Variants in STK32B observed in about 807,000 individuals in gnomAD.
The protein encoded by STK32B is serine/threonine kinase 32B.
In STK32B, 43 loss-of-function variants were observed where a neutral mutation model predicts 52.6. The observed-to-expected ratio is 0.82, with a 90% CI of 0.64 to 1.05. The LOEUF (loss-of-function observed/expected upper bound fraction) is 1.05, where lower values mean the gene tolerates loss of function less well. Ranked by LOEUF, STK32B falls within the 50% of genes least tolerant of loss-of-function variation. The pLI is 0.00. For missense variants in STK32B, 621 were observed against 534.6 expected (o/e 1.16, Z -1.59); for synonymous variants, 238 against 204.3 (o/e 1.17, Z -1.41).
chr4:5,022,274 C>T, the STK32B span, among the ~76,000 whole-genome samples: 8 of 152,276 alleles, frequency 5.3e-5, no homozygotes, highest in South Asian at 2.1e-4. Context: ...CCAGGTAGAG[C>T]GGATGACCAG....
intron 3 of STK32B, among the ~76,000 whole-genome samples, chr4:5,218,909 A>G (rs1286822047): frequency 2.0e-5 from 3 of 151,866 alleles, no homozygotes; most frequent in East Asian, 3.9e-4. Flanking sequence ...CCAGGCCCCT[A>G]CTGGGCCTCA....
At chr4:5,105,546 G>T (rs919704612) in intron 1 of STK32B, among the ~76,000 whole-genome samples, 4 of 151,696 alleles carry the variant, frequency 2.6e-5, no homozygotes, top group African/African-American at 7.3e-5. Context: ...TCTATATTGC[G>T]CATTTTTACT....
the STK32B span, among the ~76,000 whole-genome samples, chr4:5,033,271 C>T: frequency 6.6e-6 from 1 of 152,142 alleles, no homozygotes; most frequent in South Asian, 2.1e-4. Flanking sequence ...ACAGCTGCAG[C>T]ACGGTCACCA....
the STK32B span, among the ~76,000 whole-genome samples, chr4:5,034,826 G>C: frequency 6.6e-6 from 1 of 152,206 alleles, no homozygotes; most frequent in African/African-American, 2.4e-5. Context: ...GGTTCAAAAT[G>C]AATGTTCATG....
At chr4:5,317,241 ATATT>A (rs1228158807) in intron 3 of STK32B, among the ~76,000 whole-genome samples, 4 of 40,050 alleles carry the variant, frequency 1.0e-4, no homozygotes, top group African/African-American at 5.0e-4. Flanking sequence ...TAACATATAT[ATATT>A]ATATATAACA....
intron 6 of STK32B, among the ~76,000 whole-genome samples, chr4:5,424,442 C>T (rs114606333): frequency 0.022 from 3,289 of 152,300 alleles, 125 homozygotes; most frequent in African/African-American, 0.075. Flanking sequence ...CACCCATGGC[C>T]ACCCATGGAC....
intron 3 of STK32B, among the ~76,000 whole-genome samples, chr4:5,211,424 A>C (rs911664513): frequency 1.7e-4 from 26 of 152,170 alleles, no homozygotes; most frequent in African/African-American, 5.3e-4. Flanking sequence ...TAGCAGTATC[A>C]GGAGCCCCCA....
At chr4:5,036,915 C>T in the STK32B span, among the ~76,000 whole-genome samples, 12 of 152,026 alleles carry the variant, frequency 7.9e-5, no homozygotes, top group Non-Finnish European at 1.3e-4. Context: ...ATCTGCCCAC[C>T]TCGGCCTCCC....
chr4:5,281,283 A>T (rs1180683157), intron 3 of STK32B, among the ~76,000 whole-genome samples: 1 of 152,202 alleles, frequency 6.6e-6, no homozygotes, highest in Non-Finnish European at 1.5e-5. Flanking sequence ...GCCAAACCAT[A>T]TCAGTCACTA....
intron 1 of STK32B, among the ~76,000 whole-genome samples, chr4:5,087,645 G>A (rs912251895): frequency 6.6e-6 from 1 of 151,590 alleles, no homozygotes; most frequent in African/African-American, 2.4e-5. Context: ...AAGCAGAGTG[G>A]CTAGACTAAT....
At chr4:5,337,888 CTG>C (rs1732812856) in intron 4 of STK32B, among the ~76,000 whole-genome samples, 1 of 152,080 alleles carries the variant, frequency 6.6e-6, no homozygotes, top group African/African-American at 2.4e-5. Flanking sequence ...TATTGAGAAA[CTG>C]GGGAAATGGG....
the STK32B span, among the ~76,000 whole-genome samples, chr4:5,040,854 A>G: frequency 3.3e-5 from 5 of 152,286 alleles, no homozygotes; most frequent in East Asian, 1.9e-4. Flanking sequence ...GGTGTAGCCA[A>G]TAGCTCCTAG....
At chr4:5,130,741 G>C (rs758630424) in intron 1 of STK32B, among the ~76,000 whole-genome samples, 5 of 152,106 alleles carry the variant, frequency 3.3e-5, no homozygotes, top group Non-Finnish European at 7.4e-5. Context: ...ATTCCTGCCT[G>C]AGGAAATGTC....
intron 3 of STK32B, among the ~76,000 whole-genome samples, chr4:5,213,845 T>A (rs1310488234): frequency 1.3e-5 from 2 of 152,198 alleles, no homozygotes; most frequent in Non-Finnish European, 2.9e-5. Flanking sequence ...ATGGTGACTT[T>A]TGGTTAAAAA....
chr4:5,367,056 C>A (rs953188926), intron 4 of STK32B, among the ~76,000 whole-genome samples: 1 of 152,066 alleles, frequency 6.6e-6, no homozygotes, highest in Non-Finnish European at 1.5e-5. Flanking sequence ...TCCTCCACCT[C>A]CCCTTCTCTC....
intron 3 of STK32B, among the ~76,000 whole-genome samples, chr4:5,189,220 G>A (rs1417769254): frequency 6.6e-6 from 1 of 152,140 alleles, no homozygotes; most frequent in African/African-American, 2.4e-5. Flanking sequence ...CATTCTGTAG[G>A]TGTGGACAAA....
chr4:5,139,250 G>C (rs189404958), intron 1 of STK32B, among the ~76,000 whole-genome samples: 6 of 152,128 alleles, frequency 3.9e-5, no homozygotes, highest in Non-Finnish European at 8.8e-5. Flanking sequence ...ACCAGTGAAC[G>C]TTGAGACCAC....
intron 11 of STK32B, among the ~76,000 whole-genome samples, chr4:5,475,871 A>T (rs2109186343): frequency 6.6e-6 from 1 of 151,982 alleles, no homozygotes. Context: ...ATCTACAATT[A>T]ATCCTCACCA....
At chr4:5,072,183 A>G (rs1711824780) in intron 1 of STK32B, among the ~76,000 whole-genome samples, 1 of 152,168 alleles carries the variant, frequency 6.6e-6, no homozygotes, top group African/African-American at 2.4e-5. Context: ...TACCACTAGT[A>G]TATTCTACAC....
Sources: gnomAD v4.1 joint callset for allele counts (sites outside exome capture counted in the v4.1 genomes callset) on GRCh38, gnomAD v4.1.1 for gene constraint, MANE v1.5 for transcripts, NCBI Gene and HGNC (gene_info 2026-07-23, HGNC 2026-07-21) for gene names.